The following TTC6 variants were observed in gnomAD, a reference collection of about 807,000 sequenced individuals.
The protein encoded by TTC6 is tetratricopeptide repeat domain 6.
Under a neutral mutation model 210.4 loss-of-function variants are expected in TTC6, and 172 were observed. The ratio of observed to expected loss-of-function variants is 0.82; its 90% CI spans 0.72 to 0.93. The LOEUF (loss-of-function observed/expected upper bound fraction) is 0.93, where lower values mean the gene tolerates loss of function less well. TTC6 is among the 40% of genes least tolerant of loss of function. The probability of loss-of-function intolerance (pLI) is 0.00; values close to 1 mark genes in which losing one functional copy is unlikely to be tolerated. For missense variants in TTC6, 2,414 were observed against 2,318.1 expected, an observed-to-expected ratio of 1.04 and a Z score of -0.85; for synonymous variants, 804 against 819.6, an observed-to-expected ratio of 0.98 and a Z score of 0.32.
chr14:37,720,572 A>G (rs2095859920), intron 6 of TTC6: 1 of 151,886 alleles, frequency 6.6e-6, no homozygotes, highest in African/African-American at 2.4e-5. Flanking sequence ...AAAAAAAAAA[A>G]AAAAAAACTC....
intron 4 of TTC6, among the ~76,000 whole-genome samples, 174 bp downstream of exon 6, chr14:37,697,009 T>C (rs2095816159): frequency 6.6e-6 from 1 of 152,134 alleles, no homozygotes. Context: ...GTTAGTGCTA[T>C]ACTTTATGCT....
chr14:37,783,056 C>T (rs951897966), intron 14 of TTC6, among the ~76,000 whole-genome samples: 2 of 152,164 alleles, frequency 1.3e-5, no homozygotes, highest in South Asian at 4.2e-4. Flanking sequence ...ACTTTTGCAT[C>T]GATGTTCATC....
chr14:37,767,320 T>A (rs946518005), intron 14 of TTC6, among the ~76,000 whole-genome samples: 1 of 152,192 alleles, frequency 6.6e-6, no homozygotes, highest in Non-Finnish European at 1.5e-5. Context: ...TACCCAGTAA[T>A]GGGATGGCTG....
rs1289929157 is a variant in TTC6, at chr14:37,791,095, A to G, written c.3557+258A>G. 1.3e-5 allele frequency among the ~76,000 whole-genome samples: 2 copies of G among 152,200 alleles called. 1 individual carries two copies. Among genetic ancestry groups the G allele is most frequent in the East Asian group, 3.9e-4 (2 of 5,190 alleles). ...GGTTTGACAGGAGTTAAATCTATGG[A>G]TAAGGAATCAATACTATTGAGGATT... On this transcript the variant is annotated intron_variant, in intron 16 of 30. Coordinates refer to ENST00000553443, the Ensembl canonical transcript of TTC6.
At chr14:37,661,655 T>C (rs1031428353) in intron 1 of TTC6, among the ~76,000 whole-genome samples, 1 of 152,238 alleles carries the variant, frequency 6.6e-6, no homozygotes, top group African/African-American at 2.4e-5. Flanking sequence ...CTATATGGGC[T>C]CTTTTTTGGT....
intron 17 of TTC6, among the ~76,000 whole-genome samples, chr14:37,794,449 A>G (rs2096087586): frequency 6.6e-6 from 1 of 151,612 alleles, no homozygotes; most frequent in Middle Eastern, 3.4e-3. Flanking sequence ...TCCCAGGTTA[A>G]TTTTGCTCTG....
exon 10 of TTC6, chr14:37,739,005 C>A: frequency 1.3e-6 from 2 of 1,535,584 alleles, no homozygotes; most frequent in Middle Eastern, 1.7e-4. Flanking sequence ...AGAAATCTCT[C>A]TTTGACTCTC....
At chr14:37,822,113 TG>T (rs1449982170) in intron 26 of TTC6, among the ~76,000 whole-genome samples, 1 of 152,076 alleles carries the variant, frequency 6.6e-6, no homozygotes, top group Non-Finnish European at 1.5e-5. Flanking sequence ...TTGTAATCAA[TG>T]GTGCAGCACT....
chr14:37,739,997 A>G (rs2138953931), intron 10 of TTC6, among the ~76,000 whole-genome samples: 1 of 151,980 alleles, frequency 6.6e-6, no homozygotes, highest in East Asian at 1.9e-4. Context: ...CCCCGTCTCT[A>G]CTAAAAATAC....
At chr14:37,832,041 A>C (rs190999076) in intron 29 of TTC6, among the ~76,000 whole-genome samples, 2 of 152,074 alleles carry the variant, frequency 1.3e-5, no homozygotes, top group Admixed American at 1.3e-4. Flanking sequence ...CCATCTCCAC[A>C]ATGTTTTCTT....
intron 10 of TTC6, among the ~76,000 whole-genome samples, chr14:37,745,027 C>T (rs962013648): frequency 6.6e-6 from 1 of 151,966 alleles, no homozygotes; most frequent in Non-Finnish European, 1.5e-5. Flanking sequence ...CACACACACA[C>T]ATATACACAC....
At chr14:37,610,255 C>A (rs1483252275) in intron 2 of TTC6, among the ~76,000 whole-genome samples, 1 of 152,204 alleles carries the variant, frequency 6.6e-6, no homozygotes, top group Admixed American at 6.5e-5. Flanking sequence ...CTGTGGAGCA[C>A]GAGACTTTTA....
intron 1 of TTC6, among the ~76,000 whole-genome samples, chr14:37,644,525 GGAT>G (rs2095698078): frequency 6.6e-6 from 1 of 152,140 alleles, no homozygotes; most frequent in African/African-American, 2.4e-5. Context: ...CTACAAAAGA[GGAT>G]GAAAAATGAA....
intron 14 of TTC6, among the ~76,000 whole-genome samples, chr14:37,775,313 G>GA (rs1363038186): frequency 5.9e-5 from 9 of 152,262 alleles, no homozygotes; most frequent in African/African-American, 2.2e-4. Context: ...CTCTAGTAGT[G>GA]ATGGTAGGTT....
intron 1 of TTC6, among the ~76,000 whole-genome samples, chr14:37,679,688 A>G (rs1423630906): frequency 1.3e-5 from 2 of 151,932 alleles, no homozygotes; most frequent in Non-Finnish European, 2.9e-5. Flanking sequence ...AAAAAAATTT[A>G]TATTTATTTA....
At chr14:37,602,804 T>G (rs914468781) in intron 1 of TTC6, among the ~76,000 whole-genome samples, 1 of 152,100 alleles carries the variant, frequency 6.6e-6, no homozygotes, top group Non-Finnish European at 1.5e-5. Context: ...AGACTCAGGT[T>G]TCGAGTTTTA....
intron 1 of TTC6, among the ~76,000 whole-genome samples, chr14:37,627,375 A>G (rs1328079363): frequency 6.6e-6 from 1 of 152,026 alleles, no homozygotes; most frequent in African/African-American, 2.4e-5. Context: ...ACATAGATAT[A>G]GAAGTGTCAT....
chr14:37,823,789 T>C (rs1236380775), exon 27 of TTC6: 1 of 1,614,034 alleles, frequency 6.2e-7, no homozygotes, highest in South Asian at 1.1e-5. Flanking sequence ...TTACTTGGGC[T>C]CTTAAAATTA....
chr14:37,676,195 A>G (rs1225958462), intron 1 of TTC6, among the ~76,000 whole-genome samples: 3 of 152,088 alleles, frequency 2.0e-5, no homozygotes, highest in African/African-American at 7.2e-5. Context: ...ACACTAAAGA[A>G]TGATTAGTTA....
Sources: gnomAD v4.1 joint callset for allele counts (sites outside exome capture counted in the v4.1 genomes callset) on GRCh38, gnomAD v4.1.1 for gene constraint, MANE v1.5 for transcripts, NCBI Gene and HGNC (gene_info 2026-07-23, HGNC 2026-07-21) for gene names.